SEC24A: variants seen among roughly 807,000 people sequenced by gnomAD.
SEC24A encodes protein transport protein Sec24A.
Under a neutral mutation model 129.4 loss-of-function variants are expected in SEC24A, and 93 were observed. The observed-to-expected ratio is 0.72, with a 90% CI of 0.61 to 0.85. The LOEUF (loss-of-function observed/expected upper bound fraction) is 0.85. SEC24A is among the 40% of genes least tolerant of loss of function. The pLI is 0.00. For synonymous variants in SEC24A, 460 were observed against 467.3 expected (o/e 0.98, Z 0.20); for missense variants, 1,264 against 1,307.4 (o/e 0.97, Z 0.51).
At chr5:134,650,356 A>G (rs996367913) in intron 1 of SEC24A, among the ~76,000 whole-genome samples, 3 of 152,202 alleles carry the variant, frequency 2.0e-5, no homozygotes, top group Non-Finnish European at 2.9e-5. Context: ...CTTATAATCT[A>G]TAAATTGCAG....
rs541140427 is a variant in SEC24A at position 134,715,075 on chromosome 5, A to G, written c.2779A>G (p.Met927Val). ...ACGTCTAGATGAACGCATTTTTGCT[A>G]TGTGTCAAGTGAAAAACCAGCCCTT... The part of the protein sequence containing the change: ...NARLDERIFA[M>V]CQVKNQPLVY... The change falls in exon 19 of 23, where the codon ATG becomes GTG. Residue 927 changes from methionine to valine, a missense_variant. Met to Val is a conservative substitution (Grantham distance 21). Coordinates refer to ENST00000398844, the MANE Select transcript of SEC24A (RefSeq NM_021982.3). 16 of 1,612,752 alleles carry G rather than the reference A, an allele frequency of 9.9e-6. No individual in the cohort carries two copies. The highest frequency in any genetic ancestry group is 4.5e-5 in the East Asian group (2 of 44,838).
intron 7 of SEC24A, among the ~76,000 whole-genome samples, chr5:134,676,418 G>A (rs1392808743): frequency 4.2e-5 from 6 of 144,164 alleles, no homozygotes; most frequent in Non-Finnish European, 7.5e-5. Context: ...AATTACAGGC[G>A]TGAGCCTCTG....
chr5:134,650,997 A>T (rs1750029280), intron 1 of SEC24A, among the ~76,000 whole-genome samples: 1 of 150,074 alleles, frequency 6.7e-6, no homozygotes, highest in Non-Finnish European at 1.5e-5. Flanking sequence ...CTGATGTCAA[A>T]CTCCTGACCT....
intron 18 of SEC24A, among the ~76,000 whole-genome samples, chr5:134,712,926 ATTTTT>A (rs754704811): frequency 2.9e-5 from 3 of 102,716 alleles, no homozygotes; most frequent in African/African-American, 9.2e-5. Flanking sequence ...AAATATTTAA[ATTTTT>A]TTTTTTTTTT....
At chr5:134,717,911 G>A (rs148645708) in intron 19 of SEC24A, among the ~76,000 whole-genome samples, 158 bp from the exon 20 acceptor site, 1,840 of 152,004 alleles carry the variant, frequency 0.012, 38 homozygotes, top group African/African-American at 0.042. Flanking sequence ...GCGAAACTCC[G>A]TCTCAAATAA....
chr5:134,699,084 C>T (rs902626679), intron 15 of SEC24A, among the ~76,000 whole-genome samples: 1 of 151,792 alleles, frequency 6.6e-6, no homozygotes, highest in African/African-American at 2.4e-5. Flanking sequence ...AGCCACCACA[C>T]CTGGCTAATT....
intron 9 of SEC24A, among the ~76,000 whole-genome samples, chr5:134,685,421 A>G (rs374461262): frequency 1.3e-5 from 2 of 152,142 alleles, no homozygotes; most frequent in East Asian, 1.9e-4. Flanking sequence ...AACTATTTAC[A>G]TAGCATTTAT....
chr5:134,699,696 C>CT (rs746836417), intron 15 of SEC24A, among the ~76,000 whole-genome samples: 4,320 of 112,664 alleles, frequency 0.038, 186 homozygotes, highest in African/African-American at 0.045. Context: ...TTTGTACTCT[C>CT]TTTTTTTTTT....
chr5:134,700,274 G>A (rs765846667), intron 15 of SEC24A, among the ~76,000 whole-genome samples: 4 of 151,628 alleles, frequency 2.6e-5, no homozygotes, highest in Non-Finnish European at 4.4e-5. Flanking sequence ...TGGCTGGAGT[G>A]CAGTGGCATG....
intron 2 of SEC24A, among the ~76,000 whole-genome samples, chr5:134,661,821 C>T (rs1275131425): frequency 7.7e-5 from 6 of 77,818 alleles, no homozygotes; most frequent in South Asian, 4.5e-4. Flanking sequence ...TCTTTTTTCT[C>T]TTTTTTTTTT....
chr5:134,681,564 C>T (rs183927777), intron 8 of SEC24A, among the ~76,000 whole-genome samples: 4 of 150,842 alleles, frequency 2.7e-5, no homozygotes, highest in Admixed American at 2.0e-4. Flanking sequence ...TATTTAGTTA[C>T]CTTTAAAATT....
At chr5:134,674,934 C>T in intron 5 of SEC24A, 111 bp from the exon 6 acceptor site, 1 of 1,165,862 alleles carries the variant, frequency 8.6e-7, no homozygotes, top group Non-Finnish European at 1.2e-6. Flanking sequence ...TTTTCCAGAA[C>T]CAAAAGATTG....
intron 19 of SEC24A, among the ~76,000 whole-genome samples, chr5:134,717,359 T>C (rs1294332344): frequency 1.3e-5 from 2 of 151,204 alleles, no homozygotes; most frequent in African/African-American, 2.4e-5. Flanking sequence ...TACAAAAAAT[T>C]AGCCGGGCAT....
At position 134,705,424 on chromosome 5, in the gene SEC24A, A is replaced by G. The variant is rs776105287; in HGVS notation, c.2538A>G (p.Leu846=). The G allele has an allele frequency of 5.6e-6, 9 of 1,600,684 alleles. No individual in the cohort carries two copies. The African/African-American group carries it at 1.2e-4, about 21-fold the overall frequency. ...LGADVQAISG[L]LANMAVDRSM... ...CTGATGTTCAAGCAATTTCAGGGTT[A>G]TTGGCCAATATGGGTAAGAGTTGTT... is the stretch of plus-strand genomic sequence containing the variant. Residue 846 remains leucine (L), a synonymous_variant, in exon 17 of 23, where the codon TTA becomes TTG. Transcript: ENST00000398844.
intron 3 of SEC24A, 59 bp from the exon 4 acceptor site, chr5:134,671,750 C>A: frequency 9.6e-7 from 1 of 1,043,776 alleles, no homozygotes; most frequent in Non-Finnish European, 1.4e-6. Context: ...TAGTTAAAAT[C>A]ATACAGAGAT....
chr5:134,659,086 T>TATTG (rs1750352781), intron 1 of SEC24A, among the ~76,000 whole-genome samples: 1 of 151,054 alleles, frequency 6.6e-6, no homozygotes, highest in South Asian at 2.1e-4. Flanking sequence ...TTTATTTATT[T>TATTG]ATTGAGATGG....
At chr5:134,724,932 A>G (rs1055335802) in intron 22 of SEC24A, 48 bp from the exon 23 acceptor site, 25 of 919,742 alleles carry the variant, frequency 2.7e-5, no homozygotes, top group Admixed American at 5.4e-5. Flanking sequence ...TGACAAGTCT[A>G]TTTTACTGCT....
intron 8 of SEC24A, among the ~76,000 whole-genome samples, chr5:134,680,580 A>T (rs1751231557): frequency 6.6e-6 from 1 of 151,946 alleles, no homozygotes; most frequent in African/African-American, 2.4e-5. Flanking sequence ...TGATCTGCCC[A>T]CCTCAGGCTC....
At chr5:134,655,518 G>A (rs1312762618) in intron 1 of SEC24A, among the ~76,000 whole-genome samples, 5 of 151,920 alleles carry the variant, frequency 3.3e-5, no homozygotes, top group African/African-American at 7.2e-5. Context: ...GTGTGGTGGC[G>A]TGCGCCTGTA....
Sources: allele counts gnomAD v4.1 joint callset (sites outside exome capture counted in the v4.1 genomes callset), GRCh38; gene constraint gnomAD v4.1.1; transcripts MANE v1.5; gene names NCBI Gene and HGNC (gene_info 2026-07-23, HGNC 2026-07-21).